The following APC variants were observed in gnomAD, a reference collection of about 807,000 sequenced individuals.
The protein encoded by APC is adenomatous polyposis coli protein.
APC carries 72 observed loss-of-function variants against 247.0 expected under a neutral mutation model. The observed-to-expected ratio is 0.29, with a 90% CI of 0.24 to 0.35. The LOEUF is 0.35. Among genes scored for constraint, APC ranks in the 10% least tolerant of loss-of-function variants. APC has a pLI of 1.00. For missense variants in APC, 3,400 were observed against 3,360.7 expected, an observed-to-expected ratio of 1.01 and a Z score of -0.29; for synonymous variants, 1,254 against 1,162.5, an observed-to-expected ratio of 1.08 and a Z score of -1.60.
intron 8 of APC, among the ~76,000 whole-genome samples, chr5:112,811,714 T>G (rs1038318942): frequency 1.3e-5 from 2 of 152,250 alleles, no homozygotes; most frequent in African/African-American, 2.4e-5. Context: ...GTTTCATAAT[T>G]AAACCTCCTG....
chr5:112,768,864 T>C (rs928458572), intron 4 of APC, among the ~76,000 whole-genome samples: 13 of 152,090 alleles, frequency 8.5e-5, no homozygotes, highest in South Asian at 2.1e-4. Context: ...CACAGTCTTA[T>C]ACAGTAGTGT....
intron 1 of APC, among the ~76,000 whole-genome samples, chr5:112,721,109 C>T (rs569952777): frequency 6.6e-6 from 1 of 152,148 alleles, no homozygotes; most frequent in East Asian, 1.9e-4. Flanking sequence ...GCAGGAGATA[C>T]ATTTTAAAGA....
At chr5:112,737,799 C>T (rs1246251380), upstream of APC, 5 of 972,092 alleles carry the variant, frequency 5.1e-6, no homozygotes, top group Non-Finnish European at 4.9e-6. Flanking sequence ...GGGCGCTCCC[C>T]ATTCCCGTCG....
chr5:112,801,037 C>G (rs1415832453), intron 7 of APC, among the ~76,000 whole-genome samples: 1 of 152,070 alleles, frequency 6.6e-6, no homozygotes. Context: ...TCCTGTGAGT[C>G]TCAGAAAATC....
intron 1 of APC, among the ~76,000 whole-genome samples, chr5:112,748,150 C>T (rs558393354): frequency 5.5e-4 from 84 of 152,226 alleles, no homozygotes; most frequent in African/African-American, 2.0e-3. Flanking sequence ...CCTGCCCACA[C>T]GTGGTATGGG....
chr5:112,811,188 G>A (rs1164194944), intron 8 of APC, among the ~76,000 whole-genome samples: 1 of 152,200 alleles, frequency 6.6e-6, no homozygotes, highest in African/African-American at 2.4e-5. Flanking sequence ...GGGAAATAGT[G>A]TCTCACACAT....
chr5:112,822,266 T>C (rs910317671), intron 11 of APC, among the ~76,000 whole-genome samples: 1 of 152,120 alleles, frequency 6.6e-6, no homozygotes, highest in Non-Finnish European at 1.5e-5. Flanking sequence ...ACAAAATGGG[T>C]CACTCTTTGT....
intron 15 of APC, among the ~76,000 whole-genome samples, chr5:112,836,683 C>T (rs1764980718): frequency 6.6e-6 from 1 of 152,098 alleles, no homozygotes; most frequent in Non-Finnish European, 1.5e-5. Flanking sequence ...AGCACACAGT[C>T]TGCCAAAGAG....
At chr5:112,750,206 G>A (rs554910282) in intron 1 of APC, among the ~76,000 whole-genome samples, 47 of 151,276 alleles carry the variant, frequency 3.1e-4, no homozygotes, top group African/African-American at 9.7e-4. Context: ...CAAGTGATCC[G>A]CCCGCTTCAG....
chr5:112,787,717 A>G (rs896298124), intron 6 of APC, among the ~76,000 whole-genome samples: 4 of 152,200 alleles, frequency 2.6e-5, no homozygotes, highest in Admixed American at 6.5e-5. Flanking sequence ...ATACATCTCA[A>G]TTCCTCCCCA....
intron 10 of APC, among the ~76,000 whole-genome samples, chr5:112,819,698 A>G (rs1418660681): frequency 2.0e-5 from 3 of 152,214 alleles, no homozygotes; most frequent in African/African-American, 7.2e-5. Context: ...GTAAGTTCCT[A>G]TAGCCATTAG....
At chr5:112,821,149 G>A (rs1763087238) in intron 10 of APC, among the ~76,000 whole-genome samples, 2 of 151,118 alleles carry the variant, frequency 1.3e-5, no homozygotes, top group African/African-American at 4.9e-5. Flanking sequence ...GATTACTGGT[G>A]TGAGCCACTG....
rs770406711 is a variant in APC at position 112,841,730 on chromosome 5, G to T, written c.6136G>T (p.Ala2046Ser). The T allele has an allele frequency of 2.5e-6, 4 of 1,613,660 alleles. No individual in the cohort carries two copies. Among genetic ancestry groups the T allele is most frequent in the African/African-American group, 1.3e-5 (1 of 74,988 alleles). ...DDLLQECISSAMPKKKKPSRL... is the reference protein window; with the variant it reads ...DDLLQECISSSMPKKKKPSRL... ...CCTGTTGCAGGAATGTATAAGCTCC[G>T]CAATGCCAAAAAAGAAAAAGCCTTC... The change falls in exon 16 of 16, where the codon GCA becomes TCA. Residue 2046 changes from alanine to serine, a missense_variant. Physicochemically the swap from Ala to Ser is moderately conservative, Grantham distance 99. Coordinates refer to ENST00000257430, the MANE Select transcript of APC (RefSeq NM_000038.6). This position sits in a 1 kb window ranked among gnomAD's most constrained non-coding sequence, Gnocchi z 4.6.
chr5:112,736,333 A>C (rs1254090768), upstream of APC, among the ~76,000 whole-genome samples: 21 of 152,240 alleles, frequency 1.4e-4, no homozygotes. Flanking sequence ...GTGTGGAAAT[A>C]ACTCACTTGT....
intron 4 of APC, among the ~76,000 whole-genome samples, chr5:112,768,043 C>CTT (rs761163996): frequency 9.8e-5 from 13 of 133,238 alleles, no homozygotes; most frequent in South Asian, 2.5e-4. Flanking sequence ...AAGACTCTTT[C>CTT]TTTTTTTTTT....
intron 7 of APC, among the ~76,000 whole-genome samples, chr5:112,794,326 C>T (rs571181020): frequency 1.3e-5 from 2 of 152,212 alleles, no homozygotes; most frequent in Non-Finnish European, 2.9e-5. Context: ...AGCAATCTGC[C>T]TGTCTTGGCC....
chr5:112,822,289 AGT>A lies in APC; in HGVS notation c.1408+299_1408+300del, dbSNP rs1763228132. Among the ~76,000 whole-genome samples, 3 of 152,182 alleles carry A rather than the reference AGT, an allele frequency of 2.0e-5. No individual in the cohort carries two copies. The East Asian group carries it at 5.8e-4, about 29-fold the overall frequency. On this transcript the variant is annotated intron_variant, in intron 11 of 15. Transcript: ENST00000257430. ...GGTCACTCTTTGTCCCTTTTGCCAAAGTAGACTCTATATGTGCCAGCTGATGA... is the reference window on the plus strand; with the variant it reads ...GGTCACTCTTTGTCCCTTTTGCCAAAAGACTCTATATGTGCCAGCTGATGA...
At chr5:112,750,758 C>T (rs1300908815) in intron 1 of APC, among the ~76,000 whole-genome samples, 1 of 152,066 alleles carries the variant, frequency 6.6e-6, no homozygotes, top group Non-Finnish European at 1.5e-5. Flanking sequence ...TTAAAATGTT[C>T]CATACCATCC....
intron 7 of APC, among the ~76,000 whole-genome samples, chr5:112,798,718 C>G (rs1436746252): frequency 6.6e-6 from 1 of 151,558 alleles, no homozygotes; most frequent in Non-Finnish European, 1.5e-5. Flanking sequence ...AGGCCTGTAG[C>G]CTAGGATCAG....
Sources: allele counts gnomAD v4.1 joint callset (sites outside exome capture counted in the v4.1 genomes callset), GRCh38; gene constraint gnomAD v4.1.1; non-coding constraint Gnocchi (gnomAD v3.1); transcripts MANE v1.5; gene names NCBI Gene and HGNC (gene_info 2026-07-23, HGNC 2026-07-21).